KCNB2: variants seen among roughly 807,000 people sequenced by gnomAD.
The protein encoded by KCNB2 is potassium voltage-gated channel subfamily B member 2, also known as delayed rectifier potassium channel protein.
In KCNB2, 15 loss-of-function variants were observed where a neutral mutation model predicts 61.5. That is an observed-to-expected ratio of 0.24 (90% CI 0.16 to 0.38). KCNB2 has a LOEUF of 0.38. Among genes scored for constraint, KCNB2 ranks in the 10% least tolerant of loss-of-function variants. KCNB2 has a pLI of 1.00. For missense variants in KCNB2, 828 were observed against 1,125.2 expected (o/e 0.74, Z 3.78); for synonymous variants, 457 against 446.0 (o/e 1.02, Z -0.31).
At chr8:72,756,088 G>A (rs185180297) in intron 2 of KCNB2, among the ~76,000 whole-genome samples, 9 of 152,268 alleles carry the variant, frequency 5.9e-5, no homozygotes, top group African/African-American at 1.9e-4. Context: ...AGCCTCATGT[G>A]CCAAGAAAAG....
intron 2 of KCNB2, among the ~76,000 whole-genome samples, chr8:72,742,863 G>A (rs928131345): frequency 1.9e-4 from 29 of 152,068 alleles, no homozygotes; most frequent in African/African-American, 7.0e-4. Context: ...TTTCAGACTT[G>A]GCTCTGTATT....
chr8:72,794,141 G>A (rs1808987540), intron 2 of KCNB2, among the ~76,000 whole-genome samples: 1 of 152,208 alleles, frequency 6.6e-6, no homozygotes, highest in South Asian at 2.1e-4. Flanking sequence ...TAGAAGAGAG[G>A]CAATGGTGGT....
At chr8:72,732,577 G>A (rs1196106662) in intron 2 of KCNB2, among the ~76,000 whole-genome samples, 1 of 152,200 alleles carries the variant, frequency 6.6e-6, no homozygotes, top group East Asian at 1.9e-4. Context: ...AAGAATTGAT[G>A]AGCTAAGAAA....
chr8:72,727,247 A>T (rs1662999276), intron 2 of KCNB2, among the ~76,000 whole-genome samples: 1 of 152,052 alleles, frequency 6.6e-6, no homozygotes, highest in South Asian at 2.1e-4. Flanking sequence ...TCCCCAGTAC[A>T]CTCACTCATT....
chr8:72,714,810 A>T (rs1563568267), intron 2 of KCNB2, among the ~76,000 whole-genome samples: 1 of 152,124 alleles, frequency 6.6e-6, no homozygotes, highest in Non-Finnish European at 1.5e-5. Flanking sequence ...ACACATAACA[A>T]TACTAACCTT....
chr8:72,845,957 C>A (rs1697247666), intron 2 of KCNB2, among the ~76,000 whole-genome samples: 1 of 148,900 alleles, frequency 6.7e-6, no homozygotes, highest in Non-Finnish European at 1.5e-5. Flanking sequence ...ACAGTTCTGT[C>A]TTTCTGGCAT....
intron 2 of KCNB2, among the ~76,000 whole-genome samples, chr8:72,909,137 C>G (rs989207176): frequency 6.6e-6 from 1 of 152,068 alleles, no homozygotes; most frequent in African/African-American, 2.4e-5. Flanking sequence ...GAGCCAAAAA[C>G]AACAGCAAAT....
chr8:72,540,059 A>G (rs551105956), intron 1 of KCNB2, among the ~76,000 whole-genome samples: 93 of 152,328 alleles, frequency 6.1e-4, no homozygotes, highest in African/African-American at 2.0e-3. Flanking sequence ...TCTGCAGAGC[A>G]TCTTCGTTAA....
At chr8:72,863,666 C>A (rs1375916112) in intron 2 of KCNB2, among the ~76,000 whole-genome samples, 1 of 152,128 alleles carries the variant, frequency 6.6e-6, no homozygotes, top group Non-Finnish European at 1.5e-5. Flanking sequence ...AGTAACAGAG[C>A]CCCCATGGCA....
chr8:72,885,418 G>A (rs891118737), intron 2 of KCNB2, among the ~76,000 whole-genome samples: 2 of 152,032 alleles, frequency 1.3e-5, no homozygotes, highest in African/African-American at 2.4e-5. Flanking sequence ...ACATATAAAA[G>A]CATCTGAGTT....
intron 2 of KCNB2, among the ~76,000 whole-genome samples, chr8:72,597,149 G>A (rs1422786419): frequency 2.0e-5 from 3 of 151,256 alleles, no homozygotes; most frequent in Non-Finnish European, 4.4e-5. Context: ...TCAGCCTCCT[G>A]AGTAGCTGGG....
chr8:72,769,248 C>G (rs897547198), intron 2 of KCNB2, among the ~76,000 whole-genome samples: 5 of 151,834 alleles, frequency 3.3e-5, no homozygotes, highest in African/African-American at 1.2e-4. Flanking sequence ...TCACTGCAAA[C>G]TAGATAAGGT....
intron 2 of KCNB2, among the ~76,000 whole-genome samples, chr8:72,611,601 G>A (rs1805540571): frequency 6.6e-6 from 1 of 152,178 alleles, no homozygotes; most frequent in African/African-American, 2.4e-5. Context: ...GAACAGGAAG[G>A]CAGAGAGGAT....
At chr8:72,694,436 C>T (rs1274224123) in intron 2 of KCNB2, among the ~76,000 whole-genome samples, 1 of 152,120 alleles carries the variant, frequency 6.6e-6, no homozygotes, top group Non-Finnish European at 1.5e-5. Context: ...AGAAATCTGC[C>T]TTAATCGATC....
intron 2 of KCNB2, among the ~76,000 whole-genome samples, chr8:72,921,546 A>G (rs894159592): frequency 1.3e-5 from 2 of 152,210 alleles, no homozygotes; most frequent in Admixed American, 6.5e-5. Context: ...CCTTTAACTT[A>G]CAGACTACCA....
chr8:72,687,814 A>C (rs530475501), intron 2 of KCNB2, among the ~76,000 whole-genome samples: 6 of 152,318 alleles, frequency 3.9e-5, no homozygotes, highest in Non-Finnish European at 8.8e-5. Context: ...AATAAGGTGC[A>C]TGATGCCTCC....
intron 2 of KCNB2, among the ~76,000 whole-genome samples, chr8:72,786,805 G>A (rs908394424): frequency 1.3e-5 from 2 of 152,092 alleles, no homozygotes; most frequent in African/African-American, 2.4e-5. Flanking sequence ...ATAAAAATGG[G>A]TGAGAATAAT....
chr8:72,789,541 A>C (rs1808901152), intron 2 of KCNB2, among the ~76,000 whole-genome samples: 1 of 152,136 alleles, frequency 6.6e-6, no homozygotes, highest in East Asian at 1.9e-4. Flanking sequence ...GCATGCAGGA[A>C]GACAAAGCCG....
chr8:72,817,992 T>G (rs978672578), intron 2 of KCNB2, among the ~76,000 whole-genome samples: 1 of 152,150 alleles, frequency 6.6e-6, no homozygotes, highest in Non-Finnish European at 1.5e-5. Flanking sequence ...GGAGGAAGGA[T>G]TAGCTAACAA....
Sources: gnomAD v4.1 joint callset for allele counts (sites outside exome capture counted in the v4.1 genomes callset) on GRCh38, gnomAD v4.1.1 for gene constraint, MANE v1.5 for transcripts, NCBI Gene and HGNC (gene_info 2026-07-23, HGNC 2026-07-21) for gene names.